The following RMI1 variants were observed in gnomAD, a reference collection of about 807,000 sequenced individuals.
RMI1 encodes recQ-mediated genome instability protein 1.
Under a neutral mutation model 46.7 loss-of-function variants are expected in RMI1, and 36 were observed. The ratio of observed to expected loss-of-function variants is 0.77; its 90% confidence interval spans 0.59 to 1.02. RMI1 has a LOEUF of 1.02. Ranked by LOEUF, RMI1 falls within the 50% of genes least tolerant of loss-of-function variation. RMI1 has a pLI of 0.00. For synonymous variants in RMI1, 250 were observed against 252.9 expected (o/e 0.99, Z 0.11); for missense variants, 676 against 713.7 (o/e 0.95, Z 0.60).
intron 1 of RMI1, among the ~76,000 whole-genome samples, chr9:83,996,169 A>C (rs1957650101): frequency 6.6e-6 from 1 of 152,222 alleles, no homozygotes; most frequent in African/African-American, 2.4e-5. Flanking sequence ...TCTGGCTGAC[A>C]TAGCTCTAGG....
chr9:83,981,017 C>G (rs1033061678), intron 1 of RMI1, 126 bp downstream of exon 1: 3 of 152,418 alleles, frequency 2.0e-5, no homozygotes, highest in African/African-American at 4.8e-5. Context: ...AAGTGCGGGC[C>G]GTCTGCGTCC....
At chr9:83,997,881 C>T (rs1312296422) in intron 1 of RMI1, among the ~76,000 whole-genome samples, 2 of 151,448 alleles carry the variant, frequency 1.3e-5, no homozygotes, top group African/African-American at 4.9e-5. Flanking sequence ...ATGGTAGCTT[C>T]GACCTCTGGG....
intron 1 of RMI1, among the ~76,000 whole-genome samples, chr9:83,986,185 C>T (rs761312471): frequency 3.9e-5 from 6 of 152,024 alleles, no homozygotes; most frequent in African/African-American, 7.2e-5. Context: ...AGTACTTAAC[C>T]GCAGCACTAT....
chr9:83,989,680 A>AAT (rs1236130137), intron 1 of RMI1, among the ~76,000 whole-genome samples: 7 of 114,756 alleles, frequency 6.1e-5, no homozygotes, highest in Non-Finnish European at 1.3e-4. Context: ...AAAAAAAAAT[A>AAT]AAATAAAATA....
At chr9:83,995,589 G>A (rs529911012) in intron 1 of RMI1, among the ~76,000 whole-genome samples, 255 of 151,898 alleles carry the variant, frequency 1.7e-3, no homozygotes, top group African/African-American at 5.9e-3. Context: ...CACCACGCCC[G>A]GCTAATTTTT....
chr9:83,990,310 G>C (rs751605625), intron 1 of RMI1, among the ~76,000 whole-genome samples: 1 of 152,082 alleles, frequency 6.6e-6, no homozygotes, highest in African/African-American at 2.4e-5. Flanking sequence ...TCAGGAGTTC[G>C]AGACCAGCCT....
At chr9:83,986,307 T>G (rs1398503753) in intron 1 of RMI1, among the ~76,000 whole-genome samples, 1 of 152,214 alleles carries the variant, frequency 6.6e-6, no homozygotes, top group Non-Finnish European at 1.5e-5. Flanking sequence ...GGGCTTGTTA[T>G]TTACGTGAGA....
chr9:83,982,970 T>C (rs1258665022), intron 1 of RMI1, among the ~76,000 whole-genome samples: 2 of 152,242 alleles, frequency 1.3e-5, no homozygotes, highest in Non-Finnish European at 2.9e-5. Flanking sequence ...TCCAGTCTTG[T>C]GTAATTGGTA....
intron 1 of RMI1, among the ~76,000 whole-genome samples, chr9:83,991,950 G>C (rs1408268740): frequency 1.3e-5 from 2 of 152,052 alleles, no homozygotes; most frequent in African/African-American, 4.8e-5. Flanking sequence ...TTTCAAAATT[G>C]TCTTGGCAAT....
rs1957764122 is a variant in RMI1 at position 84,003,069 on chromosome 9, CAG to C, written c.*206_*207del. On this transcript the variant is annotated 3_prime_UTR_variant, in exon 3 of 3. Transcript: ENST00000445877. Reference sequence around the variant, plus strand: ...ATCTTTTTTTTTTTTTTTTTAATGTCAGGGTATTGCTCTGTTGCCCAGGCTAG... The same window carrying C: ...ATCTTTTTTTTTTTTTTTTTAATGTCGGTATTGCTCTGTTGCCCAGGCTAG... 3 of 393,008 alleles carry C rather than the reference CAG, an allele frequency of 7.6e-6. No individual in the cohort carries two copies. Among genetic ancestry groups the C allele is most frequent in the African/African-American group, 6.8e-5 (3 of 44,246 alleles). The allele number at this position is 393,008 out of a possible 1,614,324, so 24.3% of individuals were successfully genotyped here.
In RMI1 at chr9:84,001,570, A is replaced by C. The variant is rs1483359006; in HGVS notation, c.584A>C (p.Asp195Ala). 1.2e-6 allele frequency: 2 copies of C among 1,613,860 alleles called. No homozygotes were observed. Among genetic ancestry groups the C allele is most frequent in the African/African-American group, 2.7e-5 (2 of 74,938 alleles). The change falls in exon 3 of 3, where the codon GAT (aspartate) becomes GCT (alanine). Residue 195 changes from aspartate to alanine, a missense_variant. Physicochemically the swap from Asp to Ala is moderately radical, Grantham distance 126. Coordinates refer to ENST00000445877, the MANE Select transcript of RMI1 (RefSeq NM_001358291.2). Reference protein sequence around the residue: ...ENVKVLGGEVDALLEEYAQEK... With the variant: ...ENVKVLGGEVAALLEEYAQEK... ...GTGAAAGTGTTAGGAGGTGAAGTAG[A>C]TGCTCTTTTAGAAGAATATGCCCAA...
At chr9:83,995,562 G>A (rs1486068098) in intron 1 of RMI1, among the ~76,000 whole-genome samples, 1 of 151,896 alleles carries the variant, frequency 6.6e-6, no homozygotes, top group African/African-American at 2.4e-5. Flanking sequence ...CAAGTAGCTG[G>A]GACTACAGGC....
At chr9:83,994,661 A>G (rs1957623762) in intron 1 of RMI1, among the ~76,000 whole-genome samples, 1 of 152,044 alleles carries the variant, frequency 6.6e-6, no homozygotes, top group Admixed American at 6.6e-5. Context: ...TGGGACCACC[A>G]GAAGGTGACA....
At chr9:84,000,580 A>G (rs1012169991) in intron 2 of RMI1, among the ~76,000 whole-genome samples, 7 of 152,236 alleles carry the variant, frequency 4.6e-5, no homozygotes, top group African/African-American at 1.7e-4. Flanking sequence ...TGTTTACTGA[A>G]TATCCTTTAT....
chr9:83,980,933 C>G (rs1426286812), intron 1 of RMI1, 42 bp downstream of exon 1: 1 of 152,348 alleles, frequency 6.6e-6, no homozygotes, highest in Non-Finnish European at 1.5e-5. Context: ...TTTCACAGCC[C>G]ACACTCGTGC....
At chr9:83,983,079 G>T (rs1400300458) in intron 1 of RMI1, among the ~76,000 whole-genome samples, 3 of 152,188 alleles carry the variant, frequency 2.0e-5, no homozygotes, top group African/African-American at 7.2e-5. Context: ...ATATAATTGA[G>T]AATGTACACT....
chr9:83,991,033 C>T (rs907498733), intron 1 of RMI1, among the ~76,000 whole-genome samples: 30 of 152,222 alleles, frequency 2.0e-4, no homozygotes, highest in African/African-American at 7.0e-4. Context: ...TCTCGAACTC[C>T]CGACCTCAGG....
Position 84,001,634 on chromosome 9 carries a change from T to G in RMI1, c.648T>G (p.Leu216=), listed in dbSNP as rs1308702184. The G allele has an allele frequency of 2.5e-6, 4 of 1,614,072 alleles. No homozygotes were observed. The highest frequency in any genetic ancestry group is 2.2e-5 in the South Asian group (2 of 91,086). Residue 216 remains leucine (L), a synonymous_variant, in exon 3 of 3, where the codon CTT becomes CTG. Coordinates refer to ENST00000445877, the MANE Select transcript of RMI1 (RefSeq NM_001358291.2). ...VLARLIGEPD[L]VVSVIPNNSN... ...CAAGATTAATAGGGGAACCTGATCT[T>G]GTAGTTTCAGTCATACCAAACAATT...
intron 1 of RMI1, among the ~76,000 whole-genome samples, chr9:83,997,043 C>G (rs973252945): frequency 7.3e-5 from 11 of 150,344 alleles, no homozygotes; most frequent in Admixed American, 1.3e-4. Flanking sequence ...TGGATTCCCC[C>G]CCCCTTTTTT....
Sources: allele counts gnomAD v4.1 joint callset (sites outside exome capture counted in the v4.1 genomes callset), GRCh38; gene constraint gnomAD v4.1.1; transcripts MANE v1.5; gene names NCBI Gene and HGNC (gene_info 2026-07-23, HGNC 2026-07-21).